Variants in TRIM3 observed in about 807,000 individuals in gnomAD.
TRIM3 encodes the protein tripartite motif containing 3, also known as tripartite motif-containing protein 3.
Under a neutral mutation model 66.6 loss-of-function variants are expected in TRIM3, and 13 were observed. The ratio of observed to expected loss-of-function variants is 0.20; its 90% CI spans 0.13 to 0.31. The LOEUF (loss-of-function observed/expected upper bound fraction) is 0.31, where lower values mean the gene tolerates loss of function less well. Among genes scored for constraint, TRIM3 ranks in the 10% least tolerant of loss-of-function variants. The probability of loss-of-function intolerance (pLI) is 1.00; values close to 1 mark genes in which losing one functional copy is unlikely to be tolerated. For missense variants in TRIM3, 711 were observed against 1,020.4 expected (o/e 0.70, Z 4.13); for synonymous variants, 406 against 411.7 (o/e 0.99, Z 0.17).
At chr11:6,459,440 G>A (rs889774781) in intron 2 of TRIM3, among the ~76,000 whole-genome samples, 9 of 152,314 alleles carry the variant, frequency 5.9e-5, no homozygotes, top group South Asian at 2.1e-4. Flanking sequence ...GTTGGGGGGC[G>A]AGGGCAGTGG....
chr11:6,472,365 T>C (rs2134239689), intron 1 of TRIM3, among the ~76,000 whole-genome samples: 1 of 152,374 alleles, frequency 6.6e-6, no homozygotes, highest in African/African-American at 2.4e-5. Context: ...ATTTGACTTC[T>C]AGTTTCCACT....
rs1850427852 is a variant in TRIM3, at chr11:6,465,604, C to T, written c.92G>A (p.Cys31Tyr). ...GTGCAGGCAAGGAAGAACCTTGGGG[C>T]ACTGGTACCGATCCAGGCAGATGCT... is the stretch of plus-strand genomic sequence containing the variant. ...VCSICLDRYQ[C>Y]PKVLPCLHTF... is the part of the protein sequence containing the mutation. The change falls in exon 2 of 12, where the codon TGC becomes TAC. Residue 31 changes from cysteine to tyrosine, a missense_variant. Physicochemically the swap from Cys to Tyr is radical, Grantham distance 194 (BLOSUM62 -2). Coordinates refer to ENST00000345851, the MANE Select transcript of TRIM3 (RefSeq NM_033278.4). The T allele has an allele frequency of 6.2e-7, 1 of 1,614,184 alleles. No homozygotes were observed. Among genetic ancestry groups the T allele is most frequent in the Non-Finnish European group, 8.5e-7 (1 of 1,180,030 alleles).
At position 6,451,400 on chromosome 11, in the gene TRIM3, C is replaced by A. The variant is rs1849712319; in HGVS notation, c.1572G>T (p.Gly524=). The A allele has an allele frequency of 5.0e-6, 8 of 1,614,156 alleles. No individual in the cohort carries two copies. Among genetic ancestry groups the A allele is most frequent in the Middle Eastern group, 1.6e-4 (1 of 6,062 alleles). ...SNEGQFKFRF[G]VRGRSPGQLQ... The stretch of plus-strand genomic sequence containing the variant: ...GCTGCCCAGGTGAGCGTCCTCGGAC[C>A]CCAAAACGGAACTTGAACTGGCCCT... Residue 524 remains glycine, a synonymous_variant, in exon 8 of 12, where the codon GGG becomes GGT. Transcript: ENST00000345851.
Position 6,472,495 on chromosome 11 carries a change from G to A in TRIM3, c.-38+1296C>T, listed in dbSNP as rs893549159. On this transcript the variant is annotated intron_variant, in intron 1 of 11. Transcript: ENST00000345851. ...AAGTCACCTGTGACACTCTATGAAC[G>A]CTCTCTATTCTAACCATATGGTTTT... Among the ~76,000 whole-genome samples the A allele has an allele frequency of 4.8e-5, 7 of 146,332 alleles. No individual in the cohort carries two copies. In the South Asian group the frequency reaches 1.1e-3, roughly 22 times the overall value.
At position 6,450,547 on chromosome 11, in the gene TRIM3, T is replaced by C. The variant is rs367890878; in HGVS notation, c.1941+4A>G. ...GTGGTCACGGAGGGAGGGAAGACAC[T>C]GACCTTCACTGAATGGTTATGGAAG... On this transcript the variant is annotated splice_donor_region_variant and intron_variant, in intron 10 of 11. Coordinates refer to ENST00000345851, the MANE Select transcript of TRIM3 (RefSeq NM_033278.4). This position sits in a 1 kb window ranked among gnomAD's most constrained non-coding sequence, Gnocchi z 4.8. 23 of 1,613,820 alleles carry C rather than the reference T, an allele frequency of 1.4e-5. No homozygotes were observed. The highest frequency in any genetic ancestry group is 2.2e-5 in the East Asian group (1 of 44,898).
At chr11:6,451,674 GAGA>G (rs761739298) in intron 7 of TRIM3, 23 of 538,672 alleles carry the variant, frequency 4.3e-5, no homozygotes, top group Admixed American at 2.4e-4. Flanking sequence ...AAGGCTCCAA[GAGA>G]AGAAGATGTC....
chr11:6,449,542 C>T lies in TRIM3; in HGVS notation c.1942-96G>A. ...GGTGAAGCCCCAGGGCTGAGAACCC[C>T]CACCCAGATCTACAGCTACAGCCCA... On this transcript the variant is annotated intron_variant, in intron 10 of 11. Transcript: ENST00000345851. This position sits in a 1 kb window ranked among gnomAD's most constrained non-coding sequence, Gnocchi z 5.3. The T allele has an allele frequency of 8.0e-7, 1 of 1,253,168 alleles. No homozygotes were observed. The allele number at this position is 1,253,168 out of a possible 1,614,324, so 77.6% of individuals were successfully genotyped here.
In TRIM3 at chr11:6,451,262, G is replaced by T. The variant is rs1285629492; in HGVS notation, c.1701+9C>A. The stretch of plus-strand genomic sequence containing the variant: ...ACCAGGGTAAGTAAAGTGACAGCAG[G>T]CCTCTCACCTTGAACTTGCCCTCAG... On this transcript the variant is annotated intron_variant, in intron 8 of 11. Coordinates refer to ENST00000345851, the MANE Select transcript of TRIM3 (RefSeq NM_033278.4). 3 of 1,613,840 alleles carry T rather than the reference G, an allele frequency of 1.9e-6. No homozygotes were observed. The highest frequency in any genetic ancestry group is 2.5e-6 in the Non-Finnish European group (3 of 1,179,936).
Position 6,450,425 on chromosome 11 carries a change from GT to G in TRIM3, c.1941+125del, listed in dbSNP as rs1341063075. 4.8e-6 allele frequency: 4 copies of G among 831,600 alleles called. No individual in the cohort carries two copies. In the East Asian group the frequency reaches 1.0e-4, roughly 21 times the overall value. The allele number at this position is 831,600 out of a possible 1,614,324, so 51.5% of individuals were successfully genotyped here. ...TGGGACAAAGCAGCCATGCATAAAT[GT>G]GTAAATGTGTATTGTTTGAGTGAAT... On this transcript the variant is annotated intron_variant, in intron 10 of 11. Transcript: ENST00000345851. The surrounding 1 kb of genome is among the most constrained non-coding windows in gnomAD (Gnocchi z 4.8).
At chr11:6,455,072 C>A (rs1353698132) in intron 7 of TRIM3, among the ~76,000 whole-genome samples, 1 of 152,154 alleles carries the variant, frequency 6.6e-6, no homozygotes, top group Admixed American at 6.5e-5. Context: ...TACCTCCAGG[C>A]CTGCTGGGCT....
At chr11:6,463,206 AAAAAAC>A (rs1309788179) in intron 2 of TRIM3, among the ~76,000 whole-genome samples, 1 of 152,236 alleles carries the variant, frequency 6.6e-6, no homozygotes, top group Non-Finnish European at 1.5e-5. Context: ...CTCTGTCTCA[AAAAAAC>A]AAAAACAAAA....
At chr11:6,465,516 A>C in intron 2 of TRIM3, 49 bp downstream of exon 2, 1 of 1,605,214 alleles carries the variant, frequency 6.2e-7, no homozygotes, top group Non-Finnish European at 8.5e-7. Flanking sequence ...GAGGATCCTC[A>C]TCCTCCCCAC....
upstream of TRIM3, chr11:6,474,410 G>T (rs900030706): frequency 1.3e-5 from 2 of 152,290 alleles, no homozygotes; most frequent in South Asian, 2.1e-4. Context: ...CTGTACCTCA[G>T]CACGATCTCT....
At chr11:6,468,854 G>GTGAATGAATGAA (rs111290321) in intron 1 of TRIM3, among the ~76,000 whole-genome samples, 3,210 of 150,950 alleles carry the variant, frequency 0.021, 54 homozygotes, top group African/African-American at 0.045. Context: ...TCTAAAGACT[G>GTGAATGAATGAA]TGAATGAATG....
In TRIM3 at chr11:6,469,276, C is replaced by A. The variant is rs192376535; in HGVS notation, c.-37-3544G>T. Among the ~76,000 whole-genome samples the A allele has an allele frequency of 2.7e-3, 405 of 152,224 alleles. 2 individuals are homozygous for A. The highest frequency in any genetic ancestry group is 9.1e-3 in the African/African-American group (377 of 41,546). On this transcript the variant is annotated intron_variant, in intron 1 of 11. Transcript: ENST00000345851. The stretch of plus-strand genomic sequence containing the variant: ...GCTCTCCCAGACTGTCACACAGGGG[C>A]GGGGATTGGGCTATGTCCAAGGACC...
rs368225353 is a variant in TRIM3, at chr11:6,449,906, CT to C, written c.1942-461del. On this transcript the variant is annotated intron_variant, in intron 10 of 11. Transcript: ENST00000345851. This position sits in a 1 kb window ranked among gnomAD's most constrained non-coding sequence, Gnocchi z 5.3. ...CACTGCAAAAGATTGATCTTCCTGT[CT>C]CAGTCTTGCCTCAGCCTGAGTGATC... The C allele has an allele frequency of 3.8e-4, 62 of 165,206 alleles. No individual in the cohort carries two copies. The highest frequency in any genetic ancestry group is 6.6e-4 in the Non-Finnish European group (50 of 75,588). The allele number at this position is 165,206 out of a possible 1,614,324, so 10.2% of individuals were successfully genotyped here. A position where few individuals can be genotyped will look rare whatever the true frequency, so the allele number is the denominator to read the frequency against.
At chr11:6,466,503 TC>T (rs2134220028) in intron 1 of TRIM3, among the ~76,000 whole-genome samples, 1 of 152,282 alleles carries the variant, frequency 6.6e-6, no homozygotes, top group African/African-American at 2.4e-5. Flanking sequence ...TTGTCCAAAG[TC>T]CTTATATTGA....
At chr11:6,462,349 C>G (rs1056795833) in intron 2 of TRIM3, among the ~76,000 whole-genome samples, 2 of 152,164 alleles carry the variant, frequency 1.3e-5, no homozygotes, top group African/African-American at 4.8e-5. Flanking sequence ...GCAGTGAAAA[C>G]TGGATTCAGA....
chr11:6,468,363 A>G lies in TRIM3; in HGVS notation c.-37-2631T>C, dbSNP rs79199689. On this transcript the variant is annotated intron_variant, in intron 1 of 11. Transcript: ENST00000345851. ...AAACAGAATACAGGAGCTCAAGAGA[A>G]AAGTCTGGACTGGTTATTGATTTGG... Among the ~76,000 whole-genome samples the G allele has an allele frequency of 2.0e-5, 3 of 152,330 alleles. No individual in the cohort carries two copies. The East Asian group carries it at 5.8e-4, about 29-fold the overall frequency.
Sources: gnomAD v4.1 joint callset for allele counts (sites outside exome capture counted in the v4.1 genomes callset) on GRCh38, gnomAD v4.1.1 for gene constraint, Gnocchi (gnomAD v3.1) non-coding constraint, MANE v1.5 for transcripts, NCBI Gene and HGNC (gene_info 2026-07-23, HGNC 2026-07-21) for gene names.